ITPR1: variants seen among roughly 807,000 people sequenced by gnomAD.
The protein encoded by ITPR1 is inositol 1,4,5-trisphosphate receptor type 1.
ITPR1 carries 96 observed loss-of-function variants against 318.4 expected under a neutral mutation model. That is an observed-to-expected ratio of 0.30 (90% CI 0.26 to 0.36). The LOEUF is 0.36. ITPR1 is among the 10% of genes least tolerant of loss of function. ITPR1 has a pLI of 1.00. For missense variants in ITPR1, 2,440 were observed against 3,460.2 expected, an observed-to-expected ratio of 0.71 and a Z score of 7.40; for synonymous variants, 1,312 against 1,289.9, an observed-to-expected ratio of 1.02 and a Z score of -0.37.
At chr3:4,739,293 G>T (rs1246659981) in intron 44 of ITPR1, among the ~76,000 whole-genome samples, 1 of 152,224 alleles carries the variant, frequency 6.6e-6, no homozygotes. Context: ...GTTCTTGCCG[G>T]AGCTGGTGGA....
At position 4,612,718 on chromosome 3, in the gene ITPR1, C is replaced by G. The variant is rs191626817; in HGVS notation, c.164-15045C>G. The stretch of plus-strand genomic sequence containing the variant: ...CCTGGCCAACGTGGCGAACCCCCGT[C>G]TCTACTAAAAATACAAAAATTAGCC... On this transcript the variant is annotated intron_variant, in intron 4 of 61. Coordinates refer to ENST00000649015, the MANE Select transcript of ITPR1 (RefSeq NM_001378452.1). Among the ~76,000 whole-genome samples the G allele has an allele frequency of 2.2e-3, 332 of 152,184 alleles. 4 individuals carry two copies. Among genetic ancestry groups the G allele is most frequent in the Admixed American group, 4.2e-3 (64 of 15,292 alleles).
chr3:4,723,955 T>A (rs796678202), intron 40 of ITPR1, among the ~76,000 whole-genome samples: 29 of 152,324 alleles, frequency 1.9e-4, no homozygotes, highest in African/African-American at 7.0e-4. Context: ...GTTTACACAG[T>A]TTTAATTCTT....
intron 4 of ITPR1, among the ~76,000 whole-genome samples, chr3:4,553,444 GT>G (rs1172926875): frequency 1.3e-5 from 2 of 151,474 alleles, no homozygotes. Context: ...TTATTATTTT[GT>G]TTTGAGGGAG....
At chr3:4,811,575 A>G (rs2048942807) in intron 56 of ITPR1, 115 bp downstream of exon 56, 1 of 758,496 alleles carries the variant, frequency 1.3e-6, no homozygotes, top group Admixed American at 2.7e-5. Context: ...GTATCTCCCT[A>G]ACACGCAGAG....
intron 40 of ITPR1, among the ~76,000 whole-genome samples, chr3:4,722,613 C>T (rs1575013960): frequency 6.6e-6 from 1 of 152,076 alleles, no homozygotes; most frequent in East Asian, 1.9e-4. Flanking sequence ...ATTGAAATTA[C>T]AGCTTATTGC....
intron 16 of ITPR1, among the ~76,000 whole-genome samples, chr3:4,664,244 A>C (rs578128868): frequency 1.3e-5 from 2 of 152,334 alleles, no homozygotes; most frequent in Admixed American, 6.5e-5. Context: ...GTTGACAGGA[A>C]ATACATAGAT....
At chr3:4,744,894 CTCCCTCCTTCCTTCCT>C (rs1343585500) in intron 44 of ITPR1, among the ~76,000 whole-genome samples, 2 of 112,276 alleles carry the variant, frequency 1.8e-5, no homozygotes, top group African/African-American at 7.3e-5. Flanking sequence ...CTCTGTCTCC[CTCCCTCCTTCCTTCCT>C]TCCTTCCTTC....
At chr3:4,684,180 A>G (rs2094350260) in intron 28 of ITPR1, 101 bp from the exon 29 acceptor site, 4 of 776,550 alleles carry the variant, frequency 5.2e-6, no homozygotes, top group East Asian at 2.7e-5. Flanking sequence ...GTAAAACAGT[A>G]TAGAACTCCC....
At position 4,665,278 on chromosome 3, in the gene ITPR1, A is replaced by G; in HGVS notation, c.1695A>G (p.Gln565=). 6.2e-7 allele frequency: 1 copy of G among 1,612,742 alleles called. No individual in the cohort carries two copies. The highest frequency in any genetic ancestry group is 8.5e-7 in the Non-Finnish European group (1 of 1,178,860). ...ACAGGGTGCTGAGACACTCGCAGCAAGACTACAGGAAGAACCAGGTTTGGA... is the reference window on the plus strand; with the variant it reads ...ACAGGGTGCTGAGACACTCGCAGCAGGACTACAGGAAGAACCAGGTTTGGA... The part of the protein sequence containing the change: ...LCYRVLRHSQ[Q]DYRKNQEYIA... The change falls in exon 17 of 62, where the codon CAA becomes CAG. Residue 565 remains glutamine, a synonymous_variant. Coordinates refer to ENST00000649015, the MANE Select transcript of ITPR1 (RefSeq NM_001378452.1).
Position 4,693,539 on chromosome 3 carries a change from C to A in ITPR1, c.4079C>A (p.Ser1360Tyr). Reference protein sequence around the residue: ...DVLVFYNDRASFQTLIQMMRS... With the variant: ...DVLVFYNDRAYFQTLIQMMRS... ...CTCGTGTTCTACAACGACAGAGCCT[C>A]TTTCCAGACTCTGATCCAGATGATG... The change falls in exon 33 of 62, where the codon TCT (serine) becomes TAT (tyrosine). Residue 1360 changes from serine to tyrosine, a missense_variant. By Grantham distance (144) the Ser-to-Tyr change is moderately radical. Transcript: ENST00000649015. 3 of 1,614,002 alleles carry A rather than the reference C, an allele frequency of 1.9e-6. No homozygotes were observed. The highest frequency in any genetic ancestry group is 2.5e-6 in the Non-Finnish European group (3 of 1,179,864).
chr3:4,506,467 C>A (rs1291509576), intron 2 of ITPR1, among the ~76,000 whole-genome samples: 2 of 152,116 alleles, frequency 1.3e-5, no homozygotes, highest in Non-Finnish European at 2.9e-5. Flanking sequence ...TTCTGACCAG[C>A]CAAAATTGCA....
chr3:4,710,561 CT>C lies in ITPR1; in HGVS notation c.4991+89del. 2 of 1,363,186 alleles carry C rather than the reference CT, an allele frequency of 1.5e-6. No individual in the cohort carries two copies. Among genetic ancestry groups the C allele is most frequent in the Non-Finnish European group, 2.0e-6 (2 of 1,004,074 alleles). 84.4% of individuals were successfully genotyped at this position (1,363,186 alleles called of 1,614,324 possible). ...TGTTCCCGAAGAAGGAGACGTTGTC[CT>C]GTTTTTTAACTTTGATGAATGCAAG... On this transcript the variant is annotated intron_variant, in intron 38 of 61. Transcript: ENST00000649015. The surrounding 1 kb of genome is among the most constrained non-coding windows in gnomAD (Gnocchi z 4.2).
At chr3:4,747,043 G>T (rs1459270114) in intron 44 of ITPR1, among the ~76,000 whole-genome samples, 1 of 152,212 alleles carries the variant, frequency 6.6e-6, no homozygotes, top group African/African-American at 2.4e-5. Flanking sequence ...TGTTGTTGAT[G>T]ATTATTGCCA....
intron 54 of ITPR1, among the ~76,000 whole-genome samples, chr3:4,801,531 G>A (rs2048231119): frequency 6.6e-6 from 1 of 152,056 alleles, no homozygotes; most frequent in Non-Finnish European, 1.5e-5. Flanking sequence ...TGGGAGGCCA[G>A]GGTGAGCAGA....
chr3:4,797,006 TA>T (rs2047941681), intron 53 of ITPR1, among the ~76,000 whole-genome samples: 1 of 152,064 alleles, frequency 6.6e-6, no homozygotes. Context: ...CTTCCAACTC[TA>T]AAATGGTGCA....
chr3:4,562,114 CA>C lies in ITPR1; in HGVS notation c.163+41030del, dbSNP rs113963832. ...AAATAAATAAATAAATAAATAAATG[CA>C]AAAAAAAAATCTCATAATGTTTTAA... On this transcript the variant is annotated intron_variant, in intron 4 of 61. Transcript: ENST00000649015. 6.7e-3 allele frequency among the ~76,000 whole-genome samples: 714 copies of C among 106,470 alleles called. 3 individuals carry two copies. The highest frequency in any genetic ancestry group is 0.02 in the African/African-American group (582 of 29,248). 69.8% of individuals were successfully genotyped at this position (106,470 alleles called of 152,430 possible).
intron 5 of ITPR1, among the ~76,000 whole-genome samples, chr3:4,637,212 C>G (rs1379368559): frequency 6.6e-6 from 1 of 152,094 alleles, no homozygotes; most frequent in East Asian, 1.9e-4. Context: ...GAGTTTTTTC[C>G]CTTTGATATT....
intron 40 of ITPR1, among the ~76,000 whole-genome samples, chr3:4,719,465 C>T (rs1223828583): frequency 2.0e-5 from 3 of 152,196 alleles, no homozygotes; most frequent in Non-Finnish European, 2.9e-5. Flanking sequence ...ACCTGCAGCC[C>T]ACAGCTGGAG....
At chr3:4,540,269 G>A (rs996175121) in intron 4 of ITPR1, among the ~76,000 whole-genome samples, 4 of 152,030 alleles carry the variant, frequency 2.6e-5, no homozygotes, top group East Asian at 1.9e-4. Context: ...GGTGTTTGAC[G>A]TCTTATAGTC....
Sources: gnomAD v4.1 joint callset for allele counts (sites outside exome capture counted in the v4.1 genomes callset) on GRCh38, gnomAD v4.1.1 for gene constraint, Gnocchi (gnomAD v3.1) non-coding constraint, MANE v1.5 for transcripts, NCBI Gene and HGNC (gene_info 2026-07-23, HGNC 2026-07-21) for gene names.